Variants in ERBB4 observed in about 807,000 individuals in gnomAD.
ERBB4 encodes the protein erb-b2 receptor tyrosine kinase 4, also known as receptor tyrosine-protein kinase erbB-4.
In ERBB4, 42 loss-of-function variants were observed where a neutral mutation model predicts 158.0. The observed-to-expected ratio is 0.27, with a 90% confidence interval of 0.21 to 0.34. ERBB4 has a LOEUF of 0.34. Among genes scored for constraint, ERBB4 ranks in the 10% least tolerant of loss-of-function variants. The pLI is 1.00. For synonymous variants in ERBB4, 583 were observed against 558.7 expected, an observed-to-expected ratio of 1.04 and a Z score of -0.61; for missense variants, 1,333 against 1,624.1, an observed-to-expected ratio of 0.82 and a Z score of 3.08.
chr2:212,165,317 T>C (rs1197077460), intron 1 of ERBB4, among the ~76,000 whole-genome samples: 1 of 151,756 alleles, frequency 6.6e-6, no homozygotes, highest in Non-Finnish European at 1.5e-5. Flanking sequence ...CATTAATATA[T>C]ATATATATTT....
At chr2:212,342,649 G>C (rs1168258347) in intron 1 of ERBB4, among the ~76,000 whole-genome samples, 3 of 152,092 alleles carry the variant, frequency 2.0e-5, no homozygotes, top group Non-Finnish European at 4.4e-5. Context: ...CAATTATAAA[G>C]GGGAAAGTAA....
rs1005367493 is a variant in ERBB4 at position 212,460,945 on chromosome 2, A to C, written c.82+77504T>G. ...TTCTTGGGCAGGAACCAGGGTCCCCATGCTGTTTGCAGCCTAGGGAGTTGG... is the reference window on the plus strand; with the variant it reads ...TTCTTGGGCAGGAACCAGGGTCCCCCTGCTGTTTGCAGCCTAGGGAGTTGG... On this transcript the variant is annotated intron_variant, in intron 1 of 27. Coordinates refer to ENST00000342788, the MANE Select transcript of ERBB4 (RefSeq NM_005235.3). Among the ~76,000 whole-genome samples, 12 of 152,336 alleles carry C rather than the reference A, an allele frequency of 7.9e-5. No homozygotes were observed. The South Asian group carries it at 2.5e-3, about 32-fold the overall frequency.
At chr2:211,557,855 A>G (rs927033670) in intron 20 of ERBB4, among the ~76,000 whole-genome samples, 1 of 152,188 alleles carries the variant, frequency 6.6e-6, no homozygotes, top group African/African-American at 2.4e-5. Context: ...TAGCAAAAAC[A>G]CAGAATCAAC....
chr2:211,744,259 A>C (rs377433572), intron 5 of ERBB4, among the ~76,000 whole-genome samples: 1 of 152,232 alleles, frequency 6.6e-6, no homozygotes, highest in Admixed American at 6.5e-5. Context: ...CACCCAAAAA[A>C]GTACACAAAA....
intron 1 of ERBB4, among the ~76,000 whole-genome samples, chr2:212,224,188 C>A (rs1011709501): frequency 6.6e-6 from 1 of 151,784 alleles, no homozygotes; most frequent in Admixed American, 6.6e-5. Context: ...AAAGCCAGTT[C>A]AAGAATTTTA....
chr2:211,903,070 C>A (rs557874648), intron 3 of ERBB4, among the ~76,000 whole-genome samples: 124 of 151,834 alleles, frequency 8.2e-4, no homozygotes, highest in Non-Finnish European at 1.5e-3. Flanking sequence ...ATTTTATTCT[C>A]CCCTCTTTCA....
intron 1 of ERBB4, among the ~76,000 whole-genome samples, chr2:212,460,169 C>CA (rs1477348100): frequency 2.0e-5 from 3 of 152,214 alleles, no homozygotes; most frequent in Non-Finnish European, 2.9e-5. Flanking sequence ...GAGGCTCCCC[C>CA]AGCATGTGGA....
intron 2 of ERBB4, among the ~76,000 whole-genome samples, chr2:211,966,507 T>A (rs2081316099): frequency 6.6e-6 from 1 of 152,170 alleles, no homozygotes; most frequent in South Asian, 2.1e-4. Context: ...CCCAAAGGGC[T>A]GGGATTACAA....
At chr2:211,847,246 C>T in intron 3 of ERBB4, among the ~76,000 whole-genome samples, 1 of 149,534 alleles carries the variant, frequency 6.7e-6, no homozygotes, top group East Asian at 2.0e-4. Context: ...TTTTCAATTC[C>T]AATGTTTCCA....
intron 4 of ERBB4, among the ~76,000 whole-genome samples, chr2:211,781,916 C>T (rs146493633): frequency 1.3e-5 from 2 of 152,318 alleles, no homozygotes; most frequent in African/African-American, 4.8e-5. Context: ...CCAGTCAATG[C>T]ACTGCAGTCT....
At chr2:212,009,000 A>G (rs1041248476) in intron 2 of ERBB4, among the ~76,000 whole-genome samples, 1 of 146,572 alleles carries the variant, frequency 6.8e-6, no homozygotes, top group African/African-American at 2.5e-5. Flanking sequence ...GATTTAGAGT[A>G]TCTATGAAAT....
intron 2 of ERBB4, among the ~76,000 whole-genome samples, chr2:212,007,684 T>A (rs1327197643): frequency 1.1e-4 from 16 of 151,874 alleles, no homozygotes; most frequent in Admixed American, 1.1e-3. Context: ...ATTTATCTAA[T>A]CCTTAAGCAC....
chr2:212,069,089 T>C (rs1159193052), intron 2 of ERBB4, among the ~76,000 whole-genome samples: 1 of 152,078 alleles, frequency 6.6e-6, no homozygotes. Flanking sequence ...ATTAACTCTC[T>C]TTCTTTTATA....
chr2:212,191,672 T>A (rs1375142711), intron 1 of ERBB4, among the ~76,000 whole-genome samples: 2 of 147,336 alleles, frequency 1.4e-5, no homozygotes, highest in African/African-American at 5.0e-5. Flanking sequence ...ATGTCATATA[T>A]CGCGTGTGTT....
At chr2:211,505,687 A>G (rs62178822) in intron 20 of ERBB4, among the ~76,000 whole-genome samples, 61,647 of 151,916 alleles carry the variant, frequency 0.41, 13,414 homozygotes, top group African/African-American at 0.56. Context: ...GGGGCTGGGC[A>G]TGGTGGCTCA....
intron 1 of ERBB4, among the ~76,000 whole-genome samples, chr2:212,224,305 A>G (rs2083401911): frequency 6.6e-6 from 1 of 151,954 alleles, no homozygotes; most frequent in Non-Finnish European, 1.5e-5. Flanking sequence ...GCGTACTGTG[A>G]CTTTATATTT....
intron 1 of ERBB4, among the ~76,000 whole-genome samples, chr2:212,166,752 C>A (rs1026948421): frequency 1.3e-5 from 2 of 151,940 alleles, no homozygotes; most frequent in African/African-American, 4.8e-5. Context: ...ACATATAGAC[C>A]AATGGAGCAG....
chr2:211,710,041 TC>T (rs1216316584), intron 9 of ERBB4, among the ~76,000 whole-genome samples: 1 of 152,140 alleles, frequency 6.6e-6, no homozygotes, highest in Non-Finnish European at 1.5e-5. Context: ...CCTTACTTTT[TC>T]GTATTTCTTT....
chr2:212,396,065 T>G (rs897419157), intron 1 of ERBB4, among the ~76,000 whole-genome samples: 12 of 152,188 alleles, frequency 7.9e-5, no homozygotes, highest in African/African-American at 2.9e-4. Context: ...TTTAATACTT[T>G]TAAGATATTC....
Sources: gnomAD v4.1 joint callset for allele counts (sites outside exome capture counted in the v4.1 genomes callset) on GRCh38, gnomAD v4.1.1 for gene constraint, MANE v1.5 for transcripts, NCBI Gene and HGNC (gene_info 2026-07-23, HGNC 2026-07-21) for gene names.